The following PTK7 variants were observed in gnomAD, a reference collection of about 807,000 sequenced individuals.
PTK7 encodes inactive tyrosine-protein kinase 7.
A neutral mutation model predicts 116.6 loss-of-function variants in PTK7; 39 were observed. The observed-to-expected ratio is 0.33, with a 90% CI of 0.26 to 0.44. The LOEUF is 0.44. Ranked by LOEUF, PTK7 falls within the 20% of genes least tolerant of loss-of-function variation. PTK7 has a pLI of 1.00. For synonymous variants in PTK7, 546 were observed against 563.6 expected (o/e 0.97, Z 0.44); for missense variants, 1,169 against 1,425.6 (o/e 0.82, Z 2.90).
chr6:43,144,022 CT>C (rs1208176634), intron 14 of PTK7, among the ~76,000 whole-genome samples: 4 of 152,204 alleles, frequency 2.6e-5, no homozygotes, highest in Non-Finnish European at 4.4e-5. Context: ...CTGGGAGCTC[CT>C]TGAGGTCATT....
rs757981508 is a variant in PTK7, at chr6:43,145,454, TG to T, written c.2640+27del. ...TCTGGTATGCTGTTGGCAGGGGACG[TG>T]GGGGTCTCGGGTAGGGAGGGCAGTG... On this transcript the variant is annotated intron_variant, in intron 16 of 19. Transcript: ENST00000230419. The surrounding 1 kb of genome is among the most constrained non-coding windows in gnomAD (Gnocchi z 4.8). 2.0e-6 allele frequency: 3 copies of T among 1,511,282 alleles called. No individual in the cohort carries two copies. Among genetic ancestry groups the T allele is most frequent in the South Asian group, 1.3e-5 (1 of 76,978 alleles). The allele number at this position is 1,511,282 out of a possible 1,614,324, so 93.6% of individuals were successfully genotyped here. A position where few individuals can be genotyped will look rare whatever the true frequency, so the allele number is the denominator to read the frequency against.
chr6:43,159,722 G>A (rs1375576640), intron 18 of PTK7, 66 bp from the exon 19 acceptor site: 1 of 1,535,160 alleles, frequency 6.5e-7, no homozygotes, highest in Admixed American at 1.7e-5. Flanking sequence ...CAGATGGGGA[G>A]ATGAGGGTGC....
chr6:43,128,900 T>C, intron 1 of PTK7, 77 bp from the exon 2 acceptor site: 1 of 1,460,132 alleles, frequency 6.8e-7, no homozygotes, highest in Non-Finnish European at 9.3e-7. Flanking sequence ...CCTTTCCTCC[T>C]GTGCACAAGG....
chr6:43,080,497 T>A (rs1766317533), intron 1 of PTK7, among the ~76,000 whole-genome samples: 1 of 152,214 alleles, frequency 6.6e-6, no homozygotes, highest in Non-Finnish European at 1.5e-5. Context: ...TTTTTGATCC[T>A]CTGTTGAGGG....
chr6:43,160,159 A>C (rs1379810173), intron 19 of PTK7, among the ~76,000 whole-genome samples, 193 bp downstream of exon 19: 1 of 152,206 alleles, frequency 6.6e-6, no homozygotes, highest in Non-Finnish European at 1.5e-5. Context: ...CCTGTCGCCC[A>C]GACTGGAGTG....
At chr6:43,094,590 G>C (rs1435750238) in intron 1 of PTK7, among the ~76,000 whole-genome samples, 4 of 151,222 alleles carry the variant, frequency 2.6e-5, no homozygotes, top group Non-Finnish European at 4.4e-5. Flanking sequence ...TCAGCCTCCC[G>C]AGTAGCTGGG....
intron 17 of PTK7, among the ~76,000 whole-genome samples, chr6:43,158,321 G>A (rs1771638848): frequency 6.6e-6 from 1 of 151,492 alleles, no homozygotes; most frequent in South Asian, 2.1e-4. Flanking sequence ...AAAAAAGTAA[G>A]CTGGGCATGG....
intron 1 of PTK7, among the ~76,000 whole-genome samples, chr6:43,115,921 C>T (rs1458237287): frequency 5.7e-5 from 7 of 122,380 alleles, no homozygotes; most frequent in African/African-American, 2.4e-4. Flanking sequence ...GAACAAGACT[C>T]CATCTCAAAA....
chr6:43,141,611 G>T lies in PTK7; in HGVS notation c.1619-57G>T. 35 of 1,568,002 alleles carry T rather than the reference G, an allele frequency of 2.2e-5. No individual in the cohort carries two copies. The highest frequency in any genetic ancestry group is 3.0e-5 in the Non-Finnish European group (34 of 1,147,736). ...GTAGAGGTGAGGGACTGAAGGCATT[G>T]CCAGCTGTCTGTGTAACCCTGATCC... On this transcript the variant is annotated intron_variant, in intron 10 of 19. Coordinates refer to ENST00000230419, the MANE Select transcript of PTK7 (RefSeq NM_002821.5). The surrounding 1 kb of genome is among the most constrained non-coding windows in gnomAD (Gnocchi z 4.9).
chr6:43,132,157 C>A lies in PTK7; in HGVS notation c.954C>A (p.His318Gln). 3.7e-6 allele frequency: 6 copies of A among 1,609,570 alleles called. No individual in the cohort carries two copies. The highest frequency in any genetic ancestry group is 5.1e-6 in the Non-Finnish European group (6 of 1,176,634). The change falls in exon 6 of 20, where the codon CAC becomes CAA. Residue 318 changes from histidine (H) to glutamine (Q), a missense_variant. His to Gln is a conservative substitution (Grantham distance 24). Transcript: ENST00000230419. ...CCATCATCCTGGAAGCCACACTTCA[C>A]CTAGCAGGTGAGTCTCTGGGTCTGG... ...GPPIILEATL[H>Q]LAEIEDMPLF...
At chr6:43,098,512 TG>T (rs1216747091) in intron 1 of PTK7, among the ~76,000 whole-genome samples, 5 of 151,976 alleles carry the variant, frequency 3.3e-5, no homozygotes, top group Non-Finnish European at 5.9e-5. Context: ...CCTGCCACCA[TG>T]CCTGGCTAAT....
At chr6:43,084,726 GTAGAA>G (rs1204704547) in intron 1 of PTK7, among the ~76,000 whole-genome samples, 1 of 152,192 alleles carries the variant, frequency 6.6e-6, no homozygotes, top group African/African-American at 2.4e-5. Context: ...AAAGTGCTAA[GTAGAA>G]TAGAAGAACA....
intron 17 of PTK7, among the ~76,000 whole-genome samples, chr6:43,148,624 T>C (rs569141792): frequency 6.8e-4 from 103 of 152,322 alleles, no homozygotes; most frequent in Middle Eastern, 3.4e-3. Context: ...GGACTCTATT[T>C]GACTGCAAGT....
intron 1 of PTK7, among the ~76,000 whole-genome samples, chr6:43,117,712 G>A (rs1390968170): frequency 1.3e-5 from 2 of 152,158 alleles, no homozygotes; most frequent in Non-Finnish European, 2.9e-5. Context: ...GGCCAAGGTG[G>A]GCAGATCACC....
rs562185940 is a variant in PTK7, at chr6:43,143,210, A to T, written c.2048-207A>T. 1.1e-4 allele frequency: 60 copies of T among 528,772 alleles called. No homozygotes were observed. The highest frequency in any genetic ancestry group is 9.8e-4 in the African/African-American group (51 of 51,966). 32.8% of individuals were successfully genotyped at this position (528,772 alleles called of 1,614,324 possible). On this transcript the variant is annotated intron_variant, in intron 13 of 19. Transcript: ENST00000230419. The surrounding 1 kb of genome is among the most constrained non-coding windows in gnomAD (Gnocchi z 4.2). The stretch of plus-strand genomic sequence containing the variant: ...GCTTCCGATGCAAAGCCAGCTTGGG[A>T]ACCCCTGGCCTCATCTCCTTCAGAG...
intron 1 of PTK7, among the ~76,000 whole-genome samples, chr6:43,079,685 G>A (rs1338534174): frequency 6.6e-6 from 1 of 152,020 alleles, no homozygotes; most frequent in African/African-American, 2.4e-5. Context: ...CAAATTCCTG[G>A]GCTCAAGCAG....
At chr6:43,130,113 C>T in intron 3 of PTK7, 117 bp from the exon 4 acceptor site, 1 of 1,120,658 alleles carries the variant, frequency 8.9e-7, no homozygotes, top group South Asian at 1.5e-5. Flanking sequence ...TTCCCTTCCT[C>T]AGGCCGTTTC....
intron 1 of PTK7, among the ~76,000 whole-genome samples, chr6:43,099,176 G>A (rs1225984933): frequency 6.7e-6 from 1 of 149,052 alleles, no homozygotes; most frequent in African/African-American, 2.5e-5. Flanking sequence ...AGGACAATAG[G>A]TAAAACAAAG....
rs574486402 is a variant in PTK7 at position 43,140,820 on chromosome 6, A to G, written c.1619-848A>G. Among the ~76,000 whole-genome samples, 3 of 152,240 alleles carry G rather than the reference A, an allele frequency of 2.0e-5. No homozygotes were observed. The East Asian group carries it at 5.8e-4, about 29-fold the overall frequency. On this transcript the variant is annotated intron_variant, in intron 10 of 19. Coordinates refer to ENST00000230419, the MANE Select transcript of PTK7 (RefSeq NM_002821.5). ...ACAGATAACTATGTAGTTTTTAAAAATATTTTTTAAAATTATTTATTTTTA... is the reference window on the plus strand; with the variant it reads ...ACAGATAACTATGTAGTTTTTAAAAGTATTTTTTAAAATTATTTATTTTTA...
Sources: gnomAD v4.1 joint callset for allele counts (sites outside exome capture counted in the v4.1 genomes callset) on GRCh38, gnomAD v4.1.1 for gene constraint, Gnocchi (gnomAD v3.1) non-coding constraint, MANE v1.5 for transcripts, NCBI Gene and HGNC (gene_info 2026-07-23, HGNC 2026-07-21) for gene names.